The following RALA variants were observed in gnomAD, a reference collection of about 807,000 sequenced individuals.
The protein encoded by RALA is RAS like proto-oncogene A.
In RALA, 5 loss-of-function variants were observed where a neutral mutation model predicts 24.0. The observed-to-expected ratio is 0.21, with a 90% CI of 0.11 to 0.44. The LOEUF (loss-of-function observed/expected upper bound fraction) is 0.44. RALA is among the 20% of genes least tolerant of loss of function. RALA has a pLI of 0.99. For missense variants in RALA, 95 were observed against 241.2 expected, an observed-to-expected ratio of 0.39 and a Z score of 4.01; for synonymous variants, 77 against 83.8, an observed-to-expected ratio of 0.92 and a Z score of 0.44.
chr7:39,680,573 C>CA (rs746181300), intron 1 of RALA, among the ~76,000 whole-genome samples: 2,619 of 122,530 alleles, frequency 0.021, 51 homozygotes, highest in African/African-American at 0.063. Context: ...GAGACTGTCT[C>CA]AAAAAAAAAA....
At chr7:39,644,763 A>T (rs1202521829) in intron 1 of RALA, among the ~76,000 whole-genome samples, 1 of 152,182 alleles carries the variant, frequency 6.6e-6, no homozygotes, top group African/African-American at 2.4e-5. Flanking sequence ...TCTTCAACCA[A>T]AAAAGATTAG....
chr7:39,680,233 G>A (rs1348028610), intron 1 of RALA, among the ~76,000 whole-genome samples: 1 of 151,866 alleles, frequency 6.6e-6, no homozygotes, highest in African/African-American at 2.4e-5. Context: ...GCCAGGTGTG[G>A]TGGCATGCAC....
chr7:39,631,205 G>A (rs945501170), intron 1 of RALA, among the ~76,000 whole-genome samples: 1 of 150,932 alleles, frequency 6.6e-6, no homozygotes, highest in Admixed American at 6.6e-5. Flanking sequence ...ACAGGGTTTC[G>A]CCATATTGGC....
At chr7:39,686,557 G>A in intron 1 of RALA, 74 bp from the exon 2 acceptor site, 2 of 838,780 alleles carry the variant, frequency 2.4e-6, no homozygotes, top group African/African-American at 3.4e-5. Flanking sequence ...GAACTCTAAG[G>A]ACATATCTCT....
In RALA at chr7:39,690,453, C is replaced by A. The variant is rs754491996; in HGVS notation, c.186C>A (p.Val62=). The change falls in exon 3 of 5, where the codon GTC becomes GTA. Residue 62 remains valine (V), a synonymous_variant. Transcript: ENST00000005257. ...RKKVVLDGEE[V]QIDILDTAGQ... ...AGGTAGTGCTAGATGGGGAGGAAGTCCAGATCGATATCTTAGATACAGCTG... is the reference window on the plus strand; with the variant it reads ...AGGTAGTGCTAGATGGGGAGGAAGTACAGATCGATATCTTAGATACAGCTG... The A allele has an allele frequency of 3.7e-6, 6 of 1,613,936 alleles. No homozygotes were observed. In the Admixed American group the frequency reaches 1.0e-4, roughly 27 times the overall value.
At chr7:39,681,464 A>G (rs1009648174) in intron 1 of RALA, among the ~76,000 whole-genome samples, 9 of 151,762 alleles carry the variant, frequency 5.9e-5, no homozygotes, top group African/African-American at 2.2e-4. Flanking sequence ...GATTACTGGC[A>G]TGCACTACCC....
chr7:39,653,007 A>G (rs1232984947), intron 1 of RALA, among the ~76,000 whole-genome samples: 2 of 151,062 alleles, frequency 1.3e-5, no homozygotes, highest in Admixed American at 6.6e-5. Context: ...ATTGTTAGCC[A>G]GGCTGGTCTC....
At position 39,679,903 on chromosome 7, in the gene RALA, G is replaced by A. The variant is rs144508855; in HGVS notation, c.-37-6728G>A. 5.7e-4 allele frequency among the ~76,000 whole-genome samples: 86 copies of A among 152,066 alleles called. 2 individuals are homozygous for A. The East Asian group carries it at 0.016, about 28-fold the overall frequency. ...TTTTTATATTTTTAGTAGATATGTG[G>A]CTTCACTATGTTGGCCAGACTGGTC... On this transcript the variant is annotated intron_variant, in intron 1 of 4. Transcript: ENST00000005257.
chr7:39,632,762 G>A (rs1201758595), intron 1 of RALA, among the ~76,000 whole-genome samples: 1 of 152,212 alleles, frequency 6.6e-6, no homozygotes, highest in African/African-American at 2.4e-5. Flanking sequence ...GCTTCAATGA[G>A]CTGAGATCAT....
At chr7:39,631,176 T>G (rs1325380599) in intron 1 of RALA, among the ~76,000 whole-genome samples, 2 of 149,750 alleles carry the variant, frequency 1.3e-5, no homozygotes, top group African/African-American at 4.9e-5. Context: ...CCCAGCTTAT[T>G]TTTTTATTTT....
At chr7:39,650,725 A>G (rs1357058088) in intron 1 of RALA, among the ~76,000 whole-genome samples, 1 of 152,184 alleles carries the variant, frequency 6.6e-6, no homozygotes, top group African/African-American at 2.4e-5. Flanking sequence ...ACAAACATTT[A>G]TTACCACAGT....
At chr7:39,642,870 C>G (rs192169972) in intron 1 of RALA, among the ~76,000 whole-genome samples, 25 of 152,366 alleles carry the variant, frequency 1.6e-4, no homozygotes, top group Admixed American at 1.2e-3. Context: ...AACTTTCCCA[C>G]TGGTTTCCCA....
At chr7:39,643,711 C>T (rs909346159) in intron 1 of RALA, among the ~76,000 whole-genome samples, 2 of 152,060 alleles carry the variant, frequency 1.3e-5, no homozygotes, top group Admixed American at 1.3e-4. Context: ...CAAAAATTAG[C>T]CAGGTGTCGT....
Position 39,653,472 on chromosome 7 carries a change from G to A in RALA, c.-38+29647G>A, listed in dbSNP as rs902886810. 8.6e-5 allele frequency among the ~76,000 whole-genome samples: 13 copies of A among 152,024 alleles called. 1 individual carries two copies. In the East Asian group the frequency reaches 2.5e-3, roughly 30 times the overall value. ...TTCTGAGAACTGAGACCACAGATGT[G>A]TTCCACCATGCCTGGCCAATTTTTA... On this transcript the variant is annotated intron_variant, in intron 1 of 4. Transcript: ENST00000005257.
Position 39,706,962 on chromosome 7 carries a change from T to G in RALA, c.*717T>G, listed in dbSNP as rs1793130851. 1 of 152,670 alleles carries G rather than the reference T, an allele frequency of 6.6e-6. No homozygotes were observed. The highest frequency in any genetic ancestry group is 2.4e-5 in the African/African-American group (1 of 41,456). 9.5% of individuals were successfully genotyped at this position (152,670 alleles called of 1,614,324 possible). ...ATATATGCCTGGCACAGCTTTTGTA[T>G]AGAAAATTCTTGAGAAGTAACTGTC... On this transcript the variant is annotated 3_prime_UTR_variant, in exon 5 of 5. Transcript: ENST00000005257.
intron 1 of RALA, among the ~76,000 whole-genome samples, chr7:39,670,314 T>G (rs561097533): frequency 6.6e-6 from 1 of 152,200 alleles, no homozygotes; most frequent in African/African-American, 2.4e-5. Context: ...TCCAGGTAAT[T>G]TTTATTATTT....
intron 1 of RALA, among the ~76,000 whole-genome samples, chr7:39,631,746 GA>G (rs1791602500): frequency 1.3e-5 from 2 of 151,928 alleles, no homozygotes; most frequent in African/African-American, 4.8e-5. Flanking sequence ...CCATTTATAC[GA>G]ATATTGTTGA....
chr7:39,670,172 G>T (rs79495268), intron 1 of RALA, among the ~76,000 whole-genome samples: 9,782 of 152,224 alleles, frequency 0.064, 393 homozygotes, highest in Non-Finnish European at 0.087. Flanking sequence ...TAGAGACAGG[G>T]TCTTGCTGTA....
At chr7:39,702,407 T>G (rs1020767619) in intron 4 of RALA, among the ~76,000 whole-genome samples, 2 of 152,218 alleles carry the variant, frequency 1.3e-5, no homozygotes, top group Non-Finnish European at 2.9e-5. Flanking sequence ...TCTGTATATA[T>G]AGAGCATATT....
Sources: gnomAD v4.1 joint callset for allele counts (sites outside exome capture counted in the v4.1 genomes callset) on GRCh38, gnomAD v4.1.1 for gene constraint, MANE v1.5 for transcripts, NCBI Gene and HGNC (gene_info 2026-07-23, HGNC 2026-07-21) for gene names.